CENPF: variants seen among roughly 807,000 people sequenced by gnomAD.
The protein encoded by CENPF is centromere protein F, also known as AH antigen.
In CENPF, 214 loss-of-function variants were observed where a neutral mutation model predicts 307.3. The observed-to-expected ratio is 0.70, with a 90% CI of 0.62 to 0.78. The LOEUF is 0.78. CENPF is among the 30% of genes least tolerant of loss of function. CENPF has a pLI of 0.00. For missense variants in CENPF, 3,401 were observed against 3,483.9 expected (o/e 0.98, Z 0.60); for synonymous variants, 1,259 against 1,270.6 (o/e 0.99, Z 0.19).
Position 214,620,958 on chromosome 1 carries a change from C to A in CENPF, c.865+12C>A. The A allele has an allele frequency of 6.3e-7, 1 of 1,582,890 alleles. No homozygotes were observed. The highest frequency in any genetic ancestry group is 8.6e-7 in the Non-Finnish European group (1 of 1,166,408). On this transcript the variant is annotated intron_variant, in intron 6 of 19. Transcript: ENST00000366955. ...AGCGCAGAATCAAGGTAACATTGAG[C>A]TAAGTTAAGTTTAAATTCACTTTGC...
chr1:214,611,656 G>C (rs905769471), intron 1 of CENPF, among the ~76,000 whole-genome samples: 5 of 152,218 alleles, frequency 3.3e-5, no homozygotes, highest in African/African-American at 1.2e-4. Flanking sequence ...GTGAGCCACT[G>C]AGCCCAGCCT....
At chr1:214,652,148 A>G (rs189969581) in intron 15 of CENPF, among the ~76,000 whole-genome samples, 116 of 138,312 alleles carry the variant, frequency 8.4e-4, no homozygotes, top group Middle Eastern at 7.8e-3. Flanking sequence ...CCATTCTCCT[A>G]CCTCAGCCTC....
In CENPF at chr1:214,642,100, G is replaced by A; in HGVS notation, c.3762G>A (p.Gln1254=). 6.2e-7 allele frequency: 1 copy of A among 1,612,328 alleles called. No individual in the cohort carries two copies. Among genetic ancestry groups the A allele is most frequent in the Non-Finnish European group, 8.5e-7 (1 of 1,179,504 alleles). ...DLETSNLQDM[Q]SQEISGLKDC... ...AAACCAGCAATTTGCAAGACATGCAGTCACAAGAAATTAGTGGCCTTAAAG... is the reference window on the plus strand; with the variant it reads ...AAACCAGCAATTTGCAAGACATGCAATCACAAGAAATTAGTGGCCTTAAAG... Residue 1254 remains glutamine, a synonymous_variant, in exon 12 of 20, where the codon CAG becomes CAA. Transcript: ENST00000366955.
intron 1 of CENPF, among the ~76,000 whole-genome samples, chr1:214,610,636 G>A (rs1009401730): frequency 6.6e-6 from 1 of 152,002 alleles, no homozygotes; most frequent in African/African-American, 2.4e-5. Flanking sequence ...TCTTTAGGTT[G>A]TCTTTTTACT....
intron 12 of CENPF, among the ~76,000 whole-genome samples, chr1:214,643,590 AATTAT>A (rs1658198049): frequency 6.6e-6 from 1 of 152,190 alleles, no homozygotes; most frequent in Non-Finnish European, 1.5e-5. Flanking sequence ...GTCTGGAGAA[AATTAT>A]ATTATGGAGT....
intron 10 of CENPF, 125 bp downstream of exon 10, chr1:214,632,727 C>T: frequency 1.8e-6 from 2 of 1,115,174 alleles, no homozygotes; most frequent in South Asian, 3.3e-5. Context: ...TTCTATTCAC[C>T]AGAAGTAAGT....
At chr1:214,605,521 C>T (rs1034685952) in intron 1 of CENPF, 30 of 604,428 alleles carry the variant, frequency 5.0e-5, no homozygotes, top group African/African-American at 3.7e-4. Flanking sequence ...GAAAGGAGTG[C>T]GTAGCTCTGT....
Position 214,639,699 on chromosome 1 carries a change from G to A in CENPF, c.1583-222G>A, listed in dbSNP as rs962836267. 4.6e-5 allele frequency among the ~76,000 whole-genome samples: 7 copies of A among 152,240 alleles called. No individual in the cohort carries two copies. The South Asian group carries it at 1.2e-3, about 27-fold the overall frequency. ...GCTGCTAGAAAGAAGATGAACAAATGTGTTACTCTCCTTAAGATAACCATT... is the reference window on the plus strand; with the variant it reads ...GCTGCTAGAAAGAAGATGAACAAATATGTTACTCTCCTTAAGATAACCATT... On this transcript the variant is annotated intron_variant, in intron 11 of 19. Transcript: ENST00000366955.
chr1:214,644,609 A>G lies in CENPF; in HGVS notation c.5039A>G (p.Glu1680Gly). The change falls in exon 13 of 20, where the codon GAA (glutamate) becomes GGA (glycine). Residue 1680 changes from glutamate to glycine, a missense_variant. By Grantham distance (98) the Glu-to-Gly change is moderately conservative. Transcript: ENST00000366955. ...SCDISKEHTS[E>G]TTERTPKHDV... ...GACATATCAAAAGAACATACTTCAGAAACTACAGAAAGAACACCAAAGCAT... is the reference window on the plus strand; with the variant it reads ...GACATATCAAAAGAACATACTTCAGGAACTACAGAAAGAACACCAAAGCAT... 1 of 1,613,236 alleles carries G rather than the reference A, an allele frequency of 6.2e-7. No homozygotes were observed.
chr1:214,647,391 T>C lies in CENPF; in HGVS notation c.7821T>C (p.Phe2607=). The stretch of plus-strand genomic sequence containing the variant: ...TGACAAAAATGGACAAAATGTCCTT[T>C]GTTGAAAAAGTAAGTGGCTATATCT... ...LELTKMDKMS[F]VEKVNKMTAK... is the part of the protein sequence containing the mutation. Residue 2607 remains phenylalanine, a synonymous_variant, in exon 13 of 20, where the codon TTT becomes TTC. Transcript: ENST00000366955. 1.9e-6 allele frequency: 3 copies of C among 1,604,782 alleles called. No homozygotes were observed. The highest frequency in any genetic ancestry group is 1.7e-4 in the Middle Eastern group (1 of 5,996).
Position 214,645,893 on chromosome 1 carries a change from G to C in CENPF, c.6323G>C (p.Ser2108Thr). The C allele has an allele frequency of 1.2e-6, 2 of 1,614,138 alleles. No individual in the cohort carries two copies. Among genetic ancestry groups the C allele is most frequent in the Non-Finnish European group, 1.7e-6 (2 of 1,180,020 alleles). ...AAAGGTGAGTTCGCATTGAGGCTGA[G>C]CTCAACACAGGAGGAAGTGCATCAG... ...VEKGEFALRL[S>T]STQEEVHQLR... is the part of the protein sequence containing the mutation. The change falls in exon 13 of 20, where the codon AGC becomes ACC. Residue 2108 changes from serine to threonine, a missense_variant. Transcript: ENST00000366955.
In CENPF at chr1:214,645,491, C is replaced by A. The variant is rs773781342; in HGVS notation, c.5921C>A (p.Thr1974Asn). 16 of 1,613,694 alleles carry A rather than the reference C, an allele frequency of 9.9e-6. No individual in the cohort carries two copies. Among genetic ancestry groups the A allele is most frequent in the South Asian group, 4.4e-5 (4 of 91,070 alleles). Residue 1974 changes from threonine to asparagine, a missense_variant, in exon 13 of 20, where the codon ACC (threonine) becomes AAC (asparagine). Physicochemically the swap from Thr to Asn is moderately conservative, Grantham distance 65 (BLOSUM62 0). Coordinates refer to ENST00000366955, the MANE Select transcript of CENPF (RefSeq NM_016343.4). ...RGELDTMSKK[T>N]TALDQLSEKM... ...GAATTAGATACTATGTCAAAAAAAA[C>A]CACGGCACTGGATCAGTTGTCTGAA... is the stretch of plus-strand genomic sequence containing the variant.
rs369478130 is a variant in CENPF, at chr1:214,663,723, C to T, written c.9274C>T (p.Arg3092Ter). 4.4e-5 allele frequency: 71 copies of T among 1,614,046 alleles called. No individual in the cohort carries two copies. The highest frequency in any genetic ancestry group is 8.8e-5 in the South Asian group (8 of 91,056). ...DSPREGLRVKRGRLVPSPKAG... is the reference protein window; with the variant it reads ...DSPREGLRVK ...CCCCAGAGAGGGCCTGAGGGTCAAG[C>T]GAGGCCGACTTGTCCCCAGCCCCAA... The change falls in exon 20 of 20, where the codon CGA becomes TGA. Residue 3092 changes from arginine (R) to a stop codon, truncating the protein, a stop_gained. Transcript: ENST00000366955. LOFTEE classifies it low-confidence loss of function (END_TRUNC).
chr1:214,618,469 T>C, intron 3 of CENPF, 104 bp from the exon 4 acceptor site: 1 of 1,317,598 alleles, frequency 7.6e-7, no homozygotes, highest in Non-Finnish European at 1.0e-6. Flanking sequence ...TCTTAGTGGA[T>C]GGGTTTCTTT....
In CENPF at chr1:214,637,206, T is replaced by C. The variant is rs370736974; in HGVS notation, c.1447-660T>C. On this transcript the variant is annotated intron_variant, in intron 10 of 19. Coordinates refer to ENST00000366955, the MANE Select transcript of CENPF (RefSeq NM_016343.4). ...CTCTGATTTCCCATAGCACACTCAA[T>C]GTCTCTTTAGTATTTAGCATATCCT... Among the ~76,000 whole-genome samples the C allele has an allele frequency of 5.1e-4, 78 of 152,350 alleles. 1 individual carries two copies. In the East Asian group the frequency reaches 0.014, roughly 28 times the overall value.
At chr1:214,617,939 T>G (rs1399318397) in intron 3 of CENPF, among the ~76,000 whole-genome samples, 1 of 152,224 alleles carries the variant, frequency 6.6e-6, no homozygotes, top group Non-Finnish European at 1.5e-5. Flanking sequence ...AAGAACTGCC[T>G]GAGCCTGGGT....
At chr1:214,634,600 C>G (rs1657905425) in intron 10 of CENPF, among the ~76,000 whole-genome samples, 1 of 152,214 alleles carries the variant, frequency 6.6e-6, no homozygotes, top group Non-Finnish European at 1.5e-5. Context: ...TAGCCCAGTG[C>G]CCAGCACATA....
intron 3 of CENPF, among the ~76,000 whole-genome samples, chr1:214,616,841 CTTTCTT>C (rs1657356271): frequency 8.1e-4 from 2 of 2,454 alleles, no homozygotes; most frequent in African/African-American, 1.3e-3. Context: ...CTTCCTCTTT[CTTTCTT>C]TCTTTCTTTC....
At chr1:214,630,499 T>C in intron 8 of CENPF, 35 bp from the exon 9 acceptor site, 1 of 1,612,928 alleles carries the variant, frequency 6.2e-7, no homozygotes, top group Non-Finnish European at 8.5e-7. Context: ...TAGCGAACCA[T>C]CATCAGGCTG....
Sources: allele counts gnomAD v4.1 joint callset (sites outside exome capture counted in the v4.1 genomes callset), GRCh38; gene constraint gnomAD v4.1.1; transcripts MANE v1.5; gene names NCBI Gene and HGNC (gene_info 2026-07-23, HGNC 2026-07-21).